RAB11FIP4: variants seen among roughly 807,000 people sequenced by gnomAD.
The protein encoded by RAB11FIP4 is RAB11 family interacting protein 4.
RAB11FIP4 carries 23 observed loss-of-function variants against 74.3 expected under a neutral mutation model. The ratio of observed to expected loss-of-function variants is 0.31; its 90% CI spans 0.22 to 0.44. RAB11FIP4 has a LOEUF of 0.44. RAB11FIP4 is among the 20% of genes least tolerant of loss of function. The pLI, the probability that RAB11FIP4 is intolerant of heterozygous loss-of-function variation, is 1.00. For synonymous variants in RAB11FIP4, 360 were observed against 359.9 expected (o/e 1.00, Z 0.00); for missense variants, 630 against 863.9 (o/e 0.73, Z 3.39).
At chr17:31,488,258 G>A in intron 3 of RAB11FIP4, 1 of 1,171,148 alleles carries the variant, frequency 8.5e-7, no homozygotes, top group Non-Finnish European at 1.1e-6. Context: ...CACCCCGCCA[G>A]CTCTCGGGAG....
At chr17:31,516,619 G>A (rs963981453) in intron 3 of RAB11FIP4, among the ~76,000 whole-genome samples, 2 of 152,190 alleles carry the variant, frequency 1.3e-5, no homozygotes, top group African/African-American at 2.4e-5. Flanking sequence ...ACAGGCATGC[G>A]CCACCTCGCC....
At chr17:31,418,505 T>C (rs1447434520) in intron 1 of RAB11FIP4, among the ~76,000 whole-genome samples, 1 of 129,200 alleles carries the variant, frequency 7.7e-6, no homozygotes, top group Non-Finnish European at 1.6e-5. Flanking sequence ...ACTGTGTCAC[T>C]CAGGCTGGAG....
At chr17:31,392,158 GC>G (rs972359127) in intron 1 of RAB11FIP4, 147 bp downstream of exon 1, 51 of 604,596 alleles carry the variant, frequency 8.4e-5, no homozygotes, top group Middle Eastern at 5.4e-4. Context: ...CAGGACCTCG[GC>G]CCCCCCCGGG....
intron 1 of RAB11FIP4, among the ~76,000 whole-genome samples, chr17:31,426,202 A>G (rs2071248042): frequency 6.6e-6 from 1 of 152,208 alleles, no homozygotes; most frequent in Admixed American, 6.5e-5. Flanking sequence ...GGCAACAGGG[A>G]GCAGTGGCTG....
chr17:31,412,922 G>A (rs1348863583), intron 1 of RAB11FIP4, among the ~76,000 whole-genome samples: 1 of 152,186 alleles, frequency 6.6e-6, no homozygotes, highest in Non-Finnish European at 1.5e-5. Context: ...GTCTGCCAGG[G>A]CCTCATGGTA....
At position 31,476,614 on chromosome 17, in the gene RAB11FIP4, G is replaced by A. The variant is rs1046416902; in HGVS notation, c.337-41037G>A. Among the ~76,000 whole-genome samples the A allele has an allele frequency of 4.6e-5, 7 of 152,352 alleles. No individual in the cohort carries two copies. The East Asian group carries it at 1.3e-3, about 29-fold the overall frequency. On this transcript the variant is annotated intron_variant, in intron 3 of 14. Coordinates refer to ENST00000621161, the MANE Select transcript of RAB11FIP4 (RefSeq NM_032932.6). ...GGGGCACTAGGGGGCTTCACCCCAT[G>A]AATGTGGCCTTGTGATCCAGTGGGG... is the stretch of plus-strand genomic sequence containing the variant.
At chr17:31,529,093 C>CT (rs1447654251) in intron 13 of RAB11FIP4, among the ~76,000 whole-genome samples, 25 of 120,488 alleles carry the variant, frequency 2.1e-4, no homozygotes, top group African/African-American at 9.4e-4. Flanking sequence ...ACCCAAGGTT[C>CT]CTTTTTTTTT....
chr17:31,502,289 G>C lies in RAB11FIP4; in HGVS notation c.337-15362G>C, dbSNP rs369240770. Among the ~76,000 whole-genome samples the C allele has an allele frequency of 3.3e-5, 5 of 152,122 alleles. No homozygotes were observed. The East Asian group carries it at 9.7e-4, about 29-fold the overall frequency. On this transcript the variant is annotated intron_variant, in intron 3 of 14. Transcript: ENST00000621161. ...GGACCATCTGTAGTTCTCTTTAAAG[G>C]TTGAATTGGCTGGGCGAGGTGGCTC...
Position 31,440,305 on chromosome 17 carries a change from A to G in RAB11FIP4, c.336+6183A>G, listed in dbSNP as rs2071396047. Among the ~76,000 whole-genome samples the G allele has an allele frequency of 2.6e-5, 4 of 152,082 alleles. No homozygotes were observed. The South Asian group carries it at 6.2e-4, about 24-fold the overall frequency. ...TCTTTCTCAATTGATTTGAAATTTT[A>G]TCTTTATTGTATGCTAACTTACCTT... On this transcript the variant is annotated intron_variant, in intron 3 of 14. Transcript: ENST00000621161.
At chr17:31,410,338 T>G (rs1203592309) in intron 1 of RAB11FIP4, among the ~76,000 whole-genome samples, 1 of 152,008 alleles carries the variant, frequency 6.6e-6, no homozygotes, top group East Asian at 1.9e-4. Context: ...AGGATGATGA[T>G]GATGATGAAG....
intron 1 of RAB11FIP4, among the ~76,000 whole-genome samples, chr17:31,399,161 C>G (rs1386284713): frequency 1.3e-5 from 2 of 152,132 alleles, no homozygotes; most frequent in African/African-American, 4.8e-5. Context: ...CCCACCCCAG[C>G]CCTGAGCAGT....
chr17:31,423,262 T>G (rs2071217049), intron 1 of RAB11FIP4, among the ~76,000 whole-genome samples: 1 of 152,252 alleles, frequency 6.6e-6, no homozygotes, highest in Non-Finnish European at 1.5e-5. Context: ...TTTTCCTGTT[T>G]CTTTGTATGT....
intron 3 of RAB11FIP4, among the ~76,000 whole-genome samples, chr17:31,474,277 G>T (rs1490017014): frequency 6.6e-6 from 1 of 152,182 alleles, no homozygotes; most frequent in Non-Finnish European, 1.5e-5. Context: ...GGAATTTAAA[G>T]TCTCAGGCTA....
chr17:31,482,885 C>T (rs1347346041), intron 3 of RAB11FIP4, among the ~76,000 whole-genome samples: 1 of 152,062 alleles, frequency 6.6e-6, no homozygotes, highest in African/African-American at 2.4e-5. Flanking sequence ...ACACATAGAG[C>T]CCCAGCTGGG....
Position 31,531,748 on chromosome 17 carries a change from G to A in RAB11FIP4, c.*16G>A. 2 of 1,568,170 alleles carry A rather than the reference G, an allele frequency of 1.3e-6. No homozygotes were observed. The highest frequency in any genetic ancestry group is 1.8e-6 in the Non-Finnish European group (2 of 1,138,124). The stretch of plus-strand genomic sequence containing the variant: ...CAAACACTAAGGCACGGGGCTGGCT[G>A]CAGAGCAGCCTTAGGACCCTGGGAC... On this transcript the variant is annotated 3_prime_UTR_variant, in exon 15 of 15. Transcript: ENST00000621161.
chr17:31,458,334 G>A (rs1441765654), intron 3 of RAB11FIP4, among the ~76,000 whole-genome samples: 2 of 152,240 alleles, frequency 1.3e-5, no homozygotes, highest in Non-Finnish European at 2.9e-5. Flanking sequence ...AGCATCTGCA[G>A]TGCTGCAGGA....
chr17:31,531,497 C>T, intron 14 of RAB11FIP4, 119 bp from the exon 15 acceptor site: 1 of 708,640 alleles, frequency 1.4e-6, no homozygotes, highest in Non-Finnish European at 2.5e-6. Context: ...CCACCTTGCC[C>T]AGGATCTCCT....
chr17:31,476,462 G>C (rs2071793948), intron 3 of RAB11FIP4, among the ~76,000 whole-genome samples: 1 of 152,148 alleles, frequency 6.6e-6, no homozygotes, highest in South Asian at 2.1e-4. Flanking sequence ...TGGGATTATA[G>C]GTGTGAGCCA....
At chr17:31,421,980 G>T (rs2071204239) in intron 1 of RAB11FIP4, among the ~76,000 whole-genome samples, 1 of 152,064 alleles carries the variant, frequency 6.6e-6, no homozygotes, top group Admixed American at 6.5e-5. Context: ...AGGAGTTCGA[G>T]ACCAGCCTGG....
Sources: allele counts gnomAD v4.1 joint callset (sites outside exome capture counted in the v4.1 genomes callset), GRCh38; gene constraint gnomAD v4.1.1; transcripts MANE v1.5; gene names NCBI Gene and HGNC (gene_info 2026-07-23, HGNC 2026-07-21).